Variants in CNTN3 observed in about 807,000 individuals in gnomAD.
CNTN3 encodes the protein contactin 3.
A neutral mutation model predicts 119.1 loss-of-function variants in CNTN3; 60 were observed. That is an observed-to-expected ratio of 0.50 (90% confidence interval 0.41 to 0.62). CNTN3 has a LOEUF of 0.62. CNTN3 is among the 20% of genes least tolerant of loss of function. The pLI, the probability that CNTN3 is intolerant of heterozygous loss-of-function variation, is 0.00. For synonymous variants in CNTN3, 450 were observed against 438.7 expected (o/e 1.03, Z -0.32); for missense variants, 1,101 against 1,242.4 (o/e 0.89, Z 1.71).
chr3:74,312,263 C>A (rs1024457607), intron 13 of CNTN3, among the ~76,000 whole-genome samples: 16 of 151,824 alleles, frequency 1.1e-4, no homozygotes, highest in African/African-American at 3.9e-4. Flanking sequence ...ACCATCCTGG[C>A]AAACATGGTG....
intron 13 of CNTN3, among the ~76,000 whole-genome samples, chr3:74,315,128 C>T (rs181535274): frequency 3.3e-5 from 5 of 152,322 alleles, no homozygotes. Context: ...AAAGACACTC[C>T]TGCCAGTGCC....
intron 1 of CNTN3, among the ~76,000 whole-genome samples, chr3:74,574,255 A>G (rs11917568): frequency 0.012 from 1,777 of 152,290 alleles, 34 homozygotes; most frequent in African/African-American, 0.041. Context: ...CCATAAAAAC[A>G]GAAGGTAGAT....
chr3:74,398,034 G>C (rs892529597), intron 5 of CNTN3, among the ~76,000 whole-genome samples: 2 of 152,190 alleles, frequency 1.3e-5, no homozygotes, highest in African/African-American at 2.4e-5. Context: ...GGTTTCTTGA[G>C]ATGAAATCAA....
chr3:74,581,396 T>A (rs1402156449), intron 1 of CNTN3, among the ~76,000 whole-genome samples: 2 of 151,988 alleles, frequency 1.3e-5, no homozygotes, highest in Admixed American at 1.3e-4. Context: ...TATAAAAACA[T>A]CACATAACCA....
At chr3:74,285,259 T>G (rs770319731) in intron 20 of CNTN3, 46 bp downstream of exon 20, 1 of 1,533,286 alleles carries the variant, frequency 6.5e-7, no homozygotes, top group Admixed American at 2.0e-5. Context: ...TCCTTTTTAA[T>G]GCAAACTATT....
intron 1 of CNTN3, among the ~76,000 whole-genome samples, chr3:74,545,745 A>G (rs1703904838): frequency 6.6e-6 from 1 of 152,152 alleles, no homozygotes; most frequent in Non-Finnish European, 1.5e-5. Flanking sequence ...CATTTTTAAA[A>G]TTATGTTTTT....
chr3:74,443,952 T>C (rs1702006847), intron 4 of CNTN3, among the ~76,000 whole-genome samples: 1 of 152,068 alleles, frequency 6.6e-6, no homozygotes, highest in Non-Finnish European at 1.5e-5. Flanking sequence ...AACTCTAAAA[T>C]CATGGTGTTG....
chr3:74,587,344 C>T (rs1704611730), intron 1 of CNTN3, among the ~76,000 whole-genome samples: 1 of 151,966 alleles, frequency 6.6e-6, no homozygotes, highest in Non-Finnish European at 1.5e-5. Flanking sequence ...TGTTTTTGGG[C>T]AATGAGATGT....
chr3:74,282,379 A>G (rs1269040237), intron 20 of CNTN3, among the ~76,000 whole-genome samples: 1 of 152,194 alleles, frequency 6.6e-6, no homozygotes, highest in East Asian at 1.9e-4. Flanking sequence ...GAACTGTAGC[A>G]TGTTTTGAAT....
In CNTN3 at chr3:74,463,035, C is replaced by T. The variant is rs577008968; in HGVS notation, c.358+23421G>A. Among the ~76,000 whole-genome samples, 6 of 152,202 alleles carry T rather than the reference C, an allele frequency of 3.9e-5. No homozygotes were observed. The East Asian group carries it at 1.2e-3, about 29-fold the overall frequency. Reference sequence around the variant, plus strand: ...AAGGGCAAGAAGCATGTCTTTATGTCCCTCACATTTAGCATAGTTACTGGC... The same window carrying T: ...AAGGGCAAGAAGCATGTCTTTATGTTCCTCACATTTAGCATAGTTACTGGC... On this transcript the variant is annotated intron_variant, in intron 4 of 22. Transcript: ENST00000263665.
At chr3:74,342,274 T>C (rs576446500) in intron 11 of CNTN3, among the ~76,000 whole-genome samples, 1 of 152,332 alleles carries the variant, frequency 6.6e-6, no homozygotes, top group South Asian at 2.1e-4. Flanking sequence ...GTGAAATAAC[T>C]GCTTCTCCTT....
chr3:74,553,636 C>A (rs551124193), intron 1 of CNTN3, among the ~76,000 whole-genome samples: 1 of 152,086 alleles, frequency 6.6e-6, no homozygotes, highest in Non-Finnish European at 1.5e-5. Context: ...TTCTAACTGG[C>A]GTGAGATGAT....
chr3:74,508,343 C>T lies in CNTN3; in HGVS notation c.56-8558G>A, dbSNP rs539944373. Among the ~76,000 whole-genome samples, 5 of 152,204 alleles carry T rather than the reference C, an allele frequency of 3.3e-5. No homozygotes were observed. In the East Asian group the frequency reaches 7.7e-4, roughly 24 times the overall value. On this transcript the variant is annotated intron_variant, in intron 2 of 22. Coordinates refer to ENST00000263665, the MANE Select transcript of CNTN3 (RefSeq NM_020872.3). Reference sequence around the variant, plus strand: ...CATGTGATTCAATTAGGCCTCTTCTCTTTATAAATTACCAGTCTCTGGCAG... The same window carrying T: ...CATGTGATTCAATTAGGCCTCTTCTTTTTATAAATTACCAGTCTCTGGCAG...
chr3:74,601,225 C>T (rs1704905349), intron 1 of CNTN3, among the ~76,000 whole-genome samples: 1 of 151,886 alleles, frequency 6.6e-6, no homozygotes, highest in Admixed American at 6.6e-5. Flanking sequence ...ACAGTAGAAA[C>T]CATTATTCCA....
At position 74,283,245 on chromosome 3, in the gene CNTN3, C is replaced by T. The variant is rs1286816007; in HGVS notation, c.2704+2060G>A. ...CAATGTCAGTACCATTATATAACCT[C>T]CATATGCCTCAGCTTCCTCCTCTCT... On this transcript the variant is annotated intron_variant, in intron 20 of 22. Coordinates refer to ENST00000263665, the MANE Select transcript of CNTN3 (RefSeq NM_020872.3). Among the ~76,000 whole-genome samples the T allele has an allele frequency of 5.3e-5, 8 of 152,108 alleles. No homozygotes were observed. The East Asian group carries it at 1.3e-3, about 26-fold the overall frequency.
At chr3:74,312,250 G>T (rs113030764) in intron 13 of CNTN3, among the ~76,000 whole-genome samples, 8,311 of 151,700 alleles carry the variant, frequency 0.055, 716 homozygotes, top group African/African-American at 0.17. Flanking sequence ...TCAGGAGATC[G>T]AGACCATCCT....
At chr3:74,418,530 G>A (rs527462938) in intron 5 of CNTN3, among the ~76,000 whole-genome samples, 9 of 151,110 alleles carry the variant, frequency 6.0e-5, no homozygotes, top group South Asian at 2.1e-4. Flanking sequence ...TTAGTGAGAC[G>A]GGGTTTCACC....
Position 74,518,817 on chromosome 3 carries a change from C to A in CNTN3, c.55+2241G>T, listed in dbSNP as rs532133269. 5.3e-5 allele frequency among the ~76,000 whole-genome samples: 8 copies of A among 151,966 alleles called. No homozygotes were observed. In the East Asian group the frequency reaches 1.6e-3, roughly 30 times the overall value. On this transcript the variant is annotated intron_variant, in intron 2 of 22. Coordinates refer to ENST00000263665, the MANE Select transcript of CNTN3 (RefSeq NM_020872.3). ...GAAAGCATTTGAAGATGTGTGTCAG[C>A]AGTCTTAGGCTGTATTTGCATACAC...
intron 4 of CNTN3, among the ~76,000 whole-genome samples, chr3:74,464,631 C>T (rs1033793508): frequency 6.6e-6 from 1 of 151,986 alleles, no homozygotes; most frequent in African/African-American, 2.4e-5. Context: ...AAAGTGACTA[C>T]ACAGAAAAAA....
Sources: allele counts gnomAD v4.1 joint callset (sites outside exome capture counted in the v4.1 genomes callset), GRCh38; gene constraint gnomAD v4.1.1; transcripts MANE v1.5; gene names NCBI Gene and HGNC (gene_info 2026-07-23, HGNC 2026-07-21).